UTRN: variants seen among roughly 807,000 people sequenced by gnomAD.
The protein encoded by UTRN is utrophin, also known as dystrophin-related protein 1.
In UTRN, 283 loss-of-function variants were observed where a neutral mutation model predicts 463.9. That is an observed-to-expected ratio of 0.61 (90% CI 0.55 to 0.67). UTRN has a LOEUF of 0.67. UTRN is among the 30% of genes least tolerant of loss of function. UTRN has a pLI of 0.00. For synonymous variants in UTRN, 1,442 were observed against 1,431.5 expected (o/e 1.01, Z -0.17); for missense variants, 3,922 against 4,084.3 (o/e 0.96, Z 1.08).
chr6:144,390,860 G>A (rs930417815), intron 2 of UTRN, among the ~76,000 whole-genome samples: 2 of 152,186 alleles, frequency 1.3e-5, no homozygotes, highest in South Asian at 4.2e-4. Flanking sequence ...CTCATCCCAG[G>A]CCACTGGACC....
rs778079117 is a variant in UTRN, at chr6:144,493,445, C to T, written c.4582C>T (p.Leu1528=). 3.1e-6 allele frequency: 5 copies of T among 1,613,846 alleles called. No individual in the cohort carries two copies. Among genetic ancestry groups the T allele is most frequent in the Non-Finnish European group, 4.2e-6 (5 of 1,179,840 alleles). Residue 1528 remains leucine, a synonymous_variant, in exon 33 of 75, where the codon CTG becomes TTG. Transcript: ENST00000367545. Reference sequence around the variant, plus strand: ...TTCCCTGAAGGTTCTTTACAATGACCTGGGCGCACAGGTGAGGAGAGCAGC... The same window carrying T: ...TTCCCTGAAGGTTCTTTACAATGACTTGGGCGCACAGGTGAGGAGAGCAGC... ...LTSLKVLYND[L]GAQVTEGKQD...
chr6:144,337,438 T>G (rs749455912), intron 2 of UTRN, among the ~76,000 whole-genome samples: 1 of 152,228 alleles, frequency 6.6e-6, no homozygotes, highest in South Asian at 2.1e-4. Context: ...AATTTAATCC[T>G]GAAATACAAC....
At chr6:144,457,708 G>T (rs1387191841) in intron 19 of UTRN, among the ~76,000 whole-genome samples, 1 of 152,190 alleles carries the variant, frequency 6.6e-6, no homozygotes, top group Non-Finnish European at 1.5e-5. Flanking sequence ...CCTCATTTAT[G>T]ATTTTCAGTA....
chr6:144,520,181 A>T (rs775146494), intron 39 of UTRN, among the ~76,000 whole-genome samples: 7 of 152,216 alleles, frequency 4.6e-5, no homozygotes, highest in Non-Finnish European at 7.3e-5. Flanking sequence ...TGATTACTCA[A>T]CCTAGAAATA....
rs1159437562 is a variant in UTRN, at chr6:144,447,665, G to A, written c.1786G>A (p.Asp596Asn). Residue 596 changes from aspartate (D) to asparagine (N), a missense_variant, in exon 16 of 75, where the codon GAT becomes AAT. By Grantham distance (23) the Asp-to-Asn change is conservative. This residue lies in a region of UTRN where 2,349 missense variants were observed against 2,303.8 expected (regional missense o/e 1.02). Coordinates refer to ENST00000367545, the MANE Select transcript of UTRN (RefSeq NM_007124.3). ...TLDQLSEIGQ[D>N]VGQLLDNSKA... ...GGATCAGCTGAGTGAGATTGGCCAG[G>A]ATGTGGGACAATTACTTGATAATTC... 2 of 1,614,000 alleles carry A rather than the reference G, an allele frequency of 1.2e-6. No individual in the cohort carries two copies. The highest frequency in any genetic ancestry group is 1.1e-5 in the South Asian group (1 of 91,066).
At chr6:144,500,263 C>G (rs1270768278) in intron 34 of UTRN, among the ~76,000 whole-genome samples, 1 of 152,192 alleles carries the variant, frequency 6.6e-6, no homozygotes, top group Non-Finnish European at 1.5e-5. Flanking sequence ...TTCTCTGCAA[C>G]CTTGTCAACA....
At chr6:144,560,682 A>G (rs180723804) in intron 50 of UTRN, among the ~76,000 whole-genome samples, 104 of 152,288 alleles carry the variant, frequency 6.8e-4, no homozygotes, top group African/African-American at 2.4e-3. Flanking sequence ...TTAGCTATTC[A>G]CAATTATAAG....
chr6:144,638,526 C>T (rs977677807), intron 51 of UTRN, among the ~76,000 whole-genome samples: 2 of 152,150 alleles, frequency 1.3e-5, no homozygotes, highest in Admixed American at 1.3e-4. Flanking sequence ...AAAGAAGTCA[C>T]TTAACATAGG....
At chr6:144,446,585 A>C (rs1787716567) in intron 14 of UTRN, among the ~76,000 whole-genome samples, 1 of 152,198 alleles carries the variant, frequency 6.6e-6, no homozygotes, top group Non-Finnish European at 1.5e-5. Flanking sequence ...TCTCTACATG[A>C]CTGAATATCC....
chr6:144,670,316 A>G (rs1780876471), intron 51 of UTRN, among the ~76,000 whole-genome samples: 1 of 151,882 alleles, frequency 6.6e-6, no homozygotes, highest in Admixed American at 6.6e-5. Flanking sequence ...AATTATGGCC[A>G]TTCTTGCAGG....
intron 23 of UTRN, among the ~76,000 whole-genome samples, chr6:144,463,799 T>C (rs1396709565): frequency 6.6e-6 from 1 of 151,900 alleles, no homozygotes; most frequent in Admixed American, 6.6e-5. Context: ...GATATATCTC[T>C]GTATATCTAT....
Position 144,797,834 on chromosome 6 carries a change from A to T in UTRN, c.9089A>T (p.Lys3030Ile), listed in dbSNP as rs1266529867. The T allele has an allele frequency of 6.2e-7, 1 of 1,613,742 alleles. No homozygotes were observed. The highest frequency in any genetic ancestry group is 2.2e-5 in the East Asian group (1 of 44,850). ...VRSCFQQNNN[K>I]PEISVKEFID... is the part of the protein sequence containing the mutation. ...TTCTTTTTTCACCAGAATAACAATA[A>T]ACCAGAAATAAGTGTGAAAGAGTTT... Residue 3030 changes from lysine (K) to isoleucine (I), a missense_variant, in exon 64 of 75, where the codon AAA (lysine) becomes ATA (isoleucine). By Grantham distance (102) the Lys-to-Ile change is moderately radical. This residue lies in a region of UTRN where 1,309 missense variants were observed against 1,452.6 expected (regional missense o/e 0.90). Coordinates refer to ENST00000367545, the MANE Select transcript of UTRN (RefSeq NM_007124.3).
chr6:144,399,639 G>A (rs1782762125), intron 2 of UTRN, among the ~76,000 whole-genome samples: 1 of 152,178 alleles, frequency 6.6e-6, no homozygotes, highest in Non-Finnish European at 1.5e-5. Flanking sequence ...TGGTGTACTA[G>A]AGGATAATGC....
At chr6:144,537,037 A>G (rs1273665464) in intron 43 of UTRN, among the ~76,000 whole-genome samples, 1 of 152,022 alleles carries the variant, frequency 6.6e-6, no homozygotes, top group South Asian at 2.1e-4. Flanking sequence ...CCAAATTCAC[A>G]TGTTTCTTGT....
intron 60 of UTRN, among the ~76,000 whole-genome samples, chr6:144,776,469 T>C (rs1028386902): frequency 1.1e-4 from 16 of 152,176 alleles, no homozygotes; most frequent in African/African-American, 3.9e-4. Context: ...TGTTCATTCA[T>C]TTGTTGGGCT....
intron 51 of UTRN, among the ~76,000 whole-genome samples, chr6:144,676,506 T>C (rs961629694): frequency 2.0e-5 from 3 of 151,824 alleles, no homozygotes; most frequent in Non-Finnish European, 2.9e-5. Flanking sequence ...GGAAGTATTT[T>C]TGCTGACACG....
At chr6:144,699,950 A>ATAT in intron 52 of UTRN, 137 bp from the exon 53 acceptor site, 1 of 520,652 alleles carries the variant, frequency 1.9e-6, no homozygotes, top group Non-Finnish European at 2.9e-6. Flanking sequence ...ATGTATTTAC[A>ATAT]AGGAGTCAGT....
intron 51 of UTRN, among the ~76,000 whole-genome samples, chr6:144,590,103 T>C (rs1802872478): frequency 6.6e-6 from 1 of 152,122 alleles, no homozygotes; most frequent in South Asian, 2.1e-4. Context: ...TCAAGCAATC[T>C]GCCTGCCTCG....
chr6:144,686,690 T>C (rs1055878291), intron 52 of UTRN, among the ~76,000 whole-genome samples: 2 of 152,186 alleles, frequency 1.3e-5, no homozygotes, highest in Admixed American at 1.3e-4. Context: ...TAAAGTCTGT[T>C]TTATCTGATA....
Sources: gnomAD v4.1 joint callset for allele counts (sites outside exome capture counted in the v4.1 genomes callset) on GRCh38, gnomAD v4.1.1 for gene constraint, gnomAD v4.1.1 regional missense constraint, MANE v1.5 for transcripts, NCBI Gene and HGNC (gene_info 2026-07-23, HGNC 2026-07-21) for gene names.